The following ATP8A2 variants were observed in gnomAD, a reference collection of about 807,000 sequenced individuals.
ATP8A2 encodes the protein ATPase phospholipid transporting 8A2, also known as phospholipid-transporting ATPase IB.
ATP8A2 carries 100 observed loss-of-function variants against 165.6 expected under a neutral mutation model. That is an observed-to-expected ratio of 0.60 (90% CI 0.51 to 0.71). The LOEUF (loss-of-function observed/expected upper bound fraction) is 0.71. Ranked by LOEUF, ATP8A2 falls within the 30% of genes least tolerant of loss-of-function variation. ATP8A2 has a pLI of 0.00. For synonymous variants in ATP8A2, 543 were observed against 548.8 expected (o/e 0.99, Z 0.15); for missense variants, 1,227 against 1,479.5 (o/e 0.83, Z 2.80).
chr13:25,769,011 A>G lies in ATP8A2; in HGVS notation c.2385-35A>G, dbSNP rs753632061. On this transcript the variant is annotated intron_variant, in intron 25 of 36. Coordinates refer to ENST00000381655, the MANE Select transcript of ATP8A2 (RefSeq NM_016529.6). ...TTACAGCTGTTTCCTCTGGAAAGAC[A>G]TGCATAGCTCTGATTTCCCTCTCTT... 6 of 1,594,640 alleles carry G rather than the reference A, an allele frequency of 3.8e-6. No homozygotes were observed. The Admixed American group carries it at 5.0e-5, about 13-fold the overall frequency.
intron 24 of ATP8A2, among the ~76,000 whole-genome samples, chr13:25,649,980 C>T (rs768143166): frequency 3.9e-5 from 6 of 151,960 alleles, no homozygotes; most frequent in African/African-American, 4.8e-5. Context: ...TGCTGTATTC[C>T]GCTGTGTTCC....
At chr13:25,556,430 C>T (rs2038982409) in intron 13 of ATP8A2, among the ~76,000 whole-genome samples, 1 of 151,934 alleles carries the variant, frequency 6.6e-6, no homozygotes, top group Non-Finnish European at 1.5e-5. Context: ...AATGTCTGTT[C>T]ATGTCTTTTG....
Position 25,451,562 on chromosome 13 carries a change from G to A in ATP8A2, c.77-17415G>A, listed in dbSNP as rs12100183. Among the ~76,000 whole-genome samples the A allele has an allele frequency of 1.1e-3, 165 of 152,140 alleles. 1 individual carries two copies. Among genetic ancestry groups the A allele is most frequent in the Middle Eastern group, 3.4e-3 (1 of 294 alleles). ...AAATCCAATTAGTATTTACTTTGTC[G>A]ATTTGTGTGGTAAGATAATGTCATT... On this transcript the variant is annotated intron_variant, in intron 1 of 36. Transcript: ENST00000381655.
rs767453762 is a variant in ATP8A2, at chr13:25,553,881, T to C, written c.1146T>C (p.Leu382=). The C allele has an allele frequency of 1.9e-6, 3 of 1,613,560 alleles. No individual in the cohort carries two copies. In the African/African-American group the frequency reaches 4.0e-5, roughly 22 times the overall value. The change falls in exon 12 of 37, where the codon CTT becomes CTC. Residue 382 remains leucine, a synonymous_variant. Coordinates refer to ENST00000381655, the MANE Select transcript of ATP8A2 (RefSeq NM_016529.6). ...NLIPISLLVT[L]EVVKYTQALF... Reference sequence around the variant, plus strand: ...TTCCCATCAGTCTGTTGGTGACTCTTGAGGTTGTGAAGTATACTCAAGCCC... The same window carrying C: ...TTCCCATCAGTCTGTTGGTGACTCTCGAGGTTGTGAAGTATACTCAAGCCC...
intron 35 of ATP8A2, among the ~76,000 whole-genome samples, chr13:25,980,424 A>G (rs566570611): frequency 2.0e-5 from 3 of 152,290 alleles, no homozygotes; most frequent in South Asian, 2.1e-4. Flanking sequence ...GGAACGTTCC[A>G]GGCACCAGAA....
intron 2 of ATP8A2, among the ~76,000 whole-genome samples, chr13:25,523,117 CA>C (rs749414873): frequency 0.024 from 1,804 of 75,868 alleles, 18 homozygotes; most frequent in African/African-American, 0.055. Flanking sequence ...GACTCTGTCT[CA>C]AAAAAAAAAA....
intron 25 of ATP8A2, among the ~76,000 whole-genome samples, chr13:25,735,676 T>C (rs943453807): frequency 6.6e-6 from 1 of 152,170 alleles, no homozygotes; most frequent in Non-Finnish European, 1.5e-5. Context: ...TCGTGCACCA[T>C]ATGATGACAT....
chr13:25,924,123 T>C (rs1431137491), intron 33 of ATP8A2, among the ~76,000 whole-genome samples: 1 of 152,186 alleles, frequency 6.6e-6, no homozygotes, highest in East Asian at 1.9e-4. Context: ...TCCTTCCACG[T>C]TGTCTGCTGT....
intron 24 of ATP8A2, among the ~76,000 whole-genome samples, chr13:25,645,003 A>T (rs879786958): frequency 6.6e-6 from 1 of 151,742 alleles, no homozygotes; most frequent in African/African-American, 2.4e-5. Flanking sequence ...AAAAAATCCA[A>T]CTCTTAGTTT....
intron 1 of ATP8A2, among the ~76,000 whole-genome samples, chr13:25,374,921 ACAGT>A (rs750374195): frequency 1.3e-5 from 2 of 152,228 alleles, no homozygotes; most frequent in Admixed American, 6.5e-5. Flanking sequence ...ATTGCAGATC[ACAGT>A]CAGCTTCAAG....
Position 25,972,779 on chromosome 13 carries a change from G to A in ATP8A2, c.3377+4100G>A, listed in dbSNP as rs965132088. Among the ~76,000 whole-genome samples the A allele has an allele frequency of 1.3e-5, 2 of 152,010 alleles. 1 individual carries two copies. Among genetic ancestry groups the A allele is most frequent in the Non-Finnish European group, 2.9e-5 (2 of 68,014 alleles). ...TGTAAGCCATGCAAATTTCTTTCCT[G>A]GTGAAAGAAAATCTATCTGTGGCCA... On this transcript the variant is annotated intron_variant, in intron 35 of 36. Transcript: ENST00000381655.
At chr13:25,719,162 A>G (rs891295173) in intron 25 of ATP8A2, among the ~76,000 whole-genome samples, 1 of 152,180 alleles carries the variant, frequency 6.6e-6, no homozygotes, top group African/African-American at 2.4e-5. Flanking sequence ...CTATGCTTTA[A>G]TTTTGAATGT....
At chr13:25,489,559 AGTCT>A (rs1003760012) in intron 2 of ATP8A2, among the ~76,000 whole-genome samples, 7 of 152,290 alleles carry the variant, frequency 4.6e-5, no homozygotes, top group Non-Finnish European at 7.4e-5. Context: ...TTGATGACAA[AGTCT>A]GTCTGTTTCC....
chr13:25,576,001 G>T (rs1187191263), intron 19 of ATP8A2, among the ~76,000 whole-genome samples: 1 of 152,210 alleles, frequency 6.6e-6, no homozygotes, highest in Non-Finnish European at 1.5e-5. Flanking sequence ...TGTGGTTACA[G>T]TGGTGAGTCT....
intron 35 of ATP8A2, among the ~76,000 whole-genome samples, chr13:25,974,659 A>C (rs1255848619): frequency 6.6e-6 from 1 of 152,028 alleles, no homozygotes; most frequent in Admixed American, 6.5e-5. Context: ...TGTAACGTCT[A>C]TGCCGGTCCT....
chr13:25,657,271 TGGAGGTGTGTA>T (rs1423407078), intron 24 of ATP8A2, among the ~76,000 whole-genome samples: 1 of 152,012 alleles, frequency 6.6e-6, no homozygotes, highest in Admixed American at 6.6e-5. Context: ...TTGCCTTGTC[TGGAGGTGTGTA>T]GGAGGCTGAG....
intron 2 of ATP8A2, among the ~76,000 whole-genome samples, chr13:25,501,267 T>G (rs995643869): frequency 1.3e-5 from 2 of 152,146 alleles, no homozygotes; most frequent in Non-Finnish European, 2.9e-5. Flanking sequence ...GGGCCACACA[T>G]AGAAGCTCCA....
chr13:25,670,394 A>T (rs2137745571), intron 24 of ATP8A2, among the ~76,000 whole-genome samples: 1 of 152,232 alleles, frequency 6.6e-6, no homozygotes, highest in African/African-American at 2.4e-5. Flanking sequence ...GAGCCCTGGG[A>T]GCTGGATGGA....
chr13:25,873,640 CT>C (rs201451621), intron 33 of ATP8A2, among the ~76,000 whole-genome samples: 11,708 of 139,624 alleles, frequency 0.084, 386 homozygotes, highest in African/African-American at 0.13. Flanking sequence ...CTAAGTATCT[CT>C]TTTTTTTTTT....
Sources: allele counts gnomAD v4.1 joint callset (sites outside exome capture counted in the v4.1 genomes callset), GRCh38; gene constraint gnomAD v4.1.1; transcripts MANE v1.5; gene names NCBI Gene and HGNC (gene_info 2026-07-23, HGNC 2026-07-21).